Variants in CD55 observed in about 807,000 individuals in gnomAD.
The protein encoded by CD55 is complement decay-accelerating factor.
In CD55, 41 loss-of-function variants were observed where a neutral mutation model predicts 45.8. That is an observed-to-expected ratio of 0.90 (90% CI 0.70 to 1.16). The LOEUF is 1.16. Ranked by LOEUF, CD55 falls within the 50% of genes most tolerant of loss-of-function variation. CD55 has a pLI of 0.00. For synonymous variants in CD55, 181 were observed against 181.1 expected, an observed-to-expected ratio of 1.00 and a Z score of 0.01; for missense variants, 416 against 469.8, an observed-to-expected ratio of 0.89 and a Z score of 1.06.
At position 207,325,738 on chromosome 1, in the gene CD55, T is replaced by A. The variant is rs756131028; in HGVS notation, c.578+17T>A. ...TAACACAGGGTAAGTTTGGGCATACTAAAACCCTGTATTTAGGAAATGAGA... is the reference window on the plus strand; with the variant it reads ...TAACACAGGGTAAGTTTGGGCATACAAAAACCCTGTATTTAGGAAATGAGA... On this transcript the variant is annotated intron_variant, in intron 4 of 9. Coordinates refer to ENST00000367064, the MANE Select transcript of CD55 (RefSeq NM_000574.5). 3 of 1,414,736 alleles carry A rather than the reference T, an allele frequency of 2.1e-6. No homozygotes were observed. The highest frequency in any genetic ancestry group is 2.8e-5 in the African/African-American group (2 of 70,736). 87.6% of individuals were successfully genotyped at this position (1,414,736 alleles called of 1,614,324 possible).
intron 9 of CD55, among the ~76,000 whole-genome samples, chr1:207,353,045 T>TC (rs1655933438): frequency 7.4e-6 from 1 of 135,642 alleles, no homozygotes; most frequent in African/African-American, 2.8e-5. Flanking sequence ...ACCAGGTTTT[T>TC]TTTTTTTTTT....
At chr1:207,334,645 G>A (rs1185283032) in intron 6 of CD55, among the ~76,000 whole-genome samples, 2 of 152,132 alleles carry the variant, frequency 1.3e-5, no homozygotes, top group African/African-American at 4.8e-5. Flanking sequence ...TTGACTTATA[G>A]TCTAATAAAT....
rs761997705 is a variant in CD55, at chr1:207,324,526, A to G, written c.287-33A>G. On this transcript the variant is annotated intron_variant, in intron 2 of 9. Transcript: ENST00000367064. Reference sequence around the variant, plus strand: ...ATTATAAAACAAAAATTGATACTACATTTTTTGTTGCTGCTTTTGTTAATA... The same window carrying G: ...ATTATAAAACAAAAATTGATACTACGTTTTTTGTTGCTGCTTTTGTTAATA... 3.4e-6 allele frequency: 5 copies of G among 1,478,622 alleles called. No individual in the cohort carries two copies. The South Asian group carries it at 5.6e-5, about 16-fold the overall frequency. 91.6% of individuals were successfully genotyped at this position (1,478,622 alleles called of 1,614,324 possible). A position where few individuals can be genotyped will look rare whatever the true frequency, so the allele number is the denominator to read the frequency against.
At chr1:207,344,629 A>G (rs930503432) in intron 9 of CD55, among the ~76,000 whole-genome samples, 4 of 151,870 alleles carry the variant, frequency 2.6e-5, no homozygotes, top group African/African-American at 9.7e-5. Context: ...ATAAGTGACT[A>G]GATGCTTTTC....
At chr1:207,340,649 G>C (rs1264696602) in intron 9 of CD55, 1 of 629,472 alleles carries the variant, frequency 1.6e-6, no homozygotes, top group South Asian at 1.8e-5. Context: ...TTATAAGTGT[G>C]AGCCACTGCA....
At position 207,359,531 on chromosome 1, in the gene CD55, T is replaced by TTTC; in HGVS notation, c.1082-13_1082-12insCTT. The TTTC allele has an allele frequency of 1.1e-5, 17 of 1,529,994 alleles. No individual in the cohort carries two copies. The highest frequency in any genetic ancestry group is 1.5e-5 in the Non-Finnish European group (17 of 1,151,012). The allele number at this position is 1,529,994 out of a possible 1,614,324, so 94.8% of individuals were successfully genotyped here. ...TTGATTTTAACTTTTTTTTTTTTTT[T>TTTC]TTTTTAATTTTCAGGGCACACGTGT... is the stretch of plus-strand genomic sequence containing the variant. On this transcript the variant is annotated splice_polypyrimidine_tract_variant and intron_variant, in intron 9 of 9. Coordinates refer to ENST00000367064, the MANE Select transcript of CD55 (RefSeq NM_000574.5).
At chr1:207,352,909 C>G (rs1354579608) in intron 9 of CD55, among the ~76,000 whole-genome samples, 1 of 151,858 alleles carries the variant, frequency 6.6e-6, no homozygotes, top group Non-Finnish European at 1.5e-5. Flanking sequence ...CTTCTCACAA[C>G]AATCTTATAA....
intron 9 of CD55, among the ~76,000 whole-genome samples, chr1:207,351,911 G>A (rs1572900720): frequency 6.6e-6 from 1 of 152,134 alleles, no homozygotes; most frequent in Middle Eastern, 3.4e-3. Context: ...TGGACATATG[G>A]CAACATTTTT....
chr1:207,328,234 CTG>C (rs1654774896), intron 5 of CD55, among the ~76,000 whole-genome samples: 2 of 152,218 alleles, frequency 1.3e-5, no homozygotes. Context: ...TCTATCCTCT[CTG>C]TGACTCAGCA....
chr1:207,326,742 G>C lies in CD55; in HGVS notation c.579-10G>C. ...GTAACAAACTCTTTTTTCTTCCCCT[G>C]TTGCTTTAGGTACAAATTATTTGGC... On this transcript the variant is annotated splice_polypyrimidine_tract_variant and intron_variant, in intron 4 of 9. Coordinates refer to ENST00000367064, the MANE Select transcript of CD55 (RefSeq NM_000574.5). The C allele has an allele frequency of 6.2e-7, 1 of 1,607,272 alleles. No homozygotes were observed.
Position 207,328,461 on chromosome 1 carries a change from G to A in CD55, c.664+1624G>A, listed in dbSNP as rs143649497. Among the ~76,000 whole-genome samples the A allele has an allele frequency of 7.2e-3, 1,099 of 152,304 alleles. 4 individuals carry two copies. Among genetic ancestry groups the A allele is most frequent in the Admixed American group, 0.013 (194 of 15,298 alleles). On this transcript the variant is annotated intron_variant, in intron 5 of 9. Transcript: ENST00000367064. ...TAGCCCTAGACTATAAACACATGAG[G>A]TTGCTTCAGTGTCCATGCGTGAATA...
intron 9 of CD55, among the ~76,000 whole-genome samples, chr1:207,339,987 G>A (rs961639569): frequency 6.6e-6 from 1 of 152,068 alleles, no homozygotes; most frequent in Non-Finnish European, 1.5e-5. Context: ...CTTTCTTCTA[G>A]TGACTATGAA....
chr1:207,332,132 C>T (rs1654973041), intron 6 of CD55, among the ~76,000 whole-genome samples: 1 of 152,066 alleles, frequency 6.6e-6, no homozygotes. Flanking sequence ...TCTTCTCTAT[C>T]ACTAGTCCTA....
At chr1:207,337,272 C>A in intron 7 of CD55, 57 bp from the exon 8 acceptor site, 1 of 1,077,584 alleles carries the variant, frequency 9.3e-7, no homozygotes, top group Non-Finnish European at 1.4e-6. Flanking sequence ...AATGTACATT[C>A]CCCAGTGACT....
intron 5 of CD55, among the ~76,000 whole-genome samples, chr1:207,328,262 A>G (rs1426747952): frequency 6.6e-6 from 1 of 152,192 alleles, no homozygotes; most frequent in African/African-American, 2.4e-5. Context: ...TGACATCTGC[A>G]TCCTGTAGGA....
intron 9 of CD55, among the ~76,000 whole-genome samples, chr1:207,358,775 T>C (rs1656172461): frequency 6.6e-6 from 1 of 152,148 alleles, no homozygotes; most frequent in Admixed American, 6.5e-5. Context: ...ACTAATACAT[T>C]GAATCTCTCA....
intron 5 of CD55, among the ~76,000 whole-genome samples, 183 bp from the exon 6 acceptor site, chr1:207,330,925 A>G (rs1257776589): frequency 1.3e-5 from 2 of 152,180 alleles, no homozygotes; most frequent in Non-Finnish European, 2.9e-5. Context: ...TTTGCATTCA[A>G]AGCTCCCACA....
chr1:207,333,294 T>A (rs1223439502), intron 6 of CD55, among the ~76,000 whole-genome samples: 2 of 152,158 alleles, frequency 1.3e-5, no homozygotes, highest in Non-Finnish European at 2.9e-5. Flanking sequence ...CAGACCTGGA[T>A]CTCCTGCCAC....
chr1:207,335,325 T>A (rs963535357), intron 6 of CD55, among the ~76,000 whole-genome samples: 3 of 152,156 alleles, frequency 2.0e-5, no homozygotes, highest in Non-Finnish European at 2.9e-5. Flanking sequence ...GTATGTTTTT[T>A]CAAGTGCGCA....
Sources: allele counts gnomAD v4.1 joint callset (sites outside exome capture counted in the v4.1 genomes callset), GRCh38; gene constraint gnomAD v4.1.1; transcripts MANE v1.5; gene names NCBI Gene and HGNC (gene_info 2026-07-23, HGNC 2026-07-21).